The following PCDHB12 variants were observed in gnomAD, a reference collection of about 807,000 sequenced individuals.
The protein encoded by PCDHB12 is protocadherin beta-12.
For missense variants in PCDHB12, 1,192 were observed against 998.2 expected (o/e 1.19, Z -2.62); for synonymous variants, 560 against 445.2 (o/e 1.26, Z -3.24).
rs782402012 is a variant in PCDHB12 at position 141,210,207 on chromosome 5, G to A, written c.1300G>A (p.Glu434Lys). 11 of 1,614,000 alleles carry A rather than the reference G, an allele frequency of 6.8e-6. No individual in the cohort carries two copies. The highest frequency in any genetic ancestry group is 9.3e-6 in the Non-Finnish European group (11 of 1,180,046). The change falls in exon 1 of 1, where the codon GAG becomes AAG. Residue 434 changes from glutamate to lysine, a missense_variant. Glu to Lys is a moderately conservative substitution (Grantham distance 56). Transcript: ENST00000239450. ...TDLGTPRLKT[E>K]HNITVLVSDV... ...CTTGGGGACCCCCAGGCTAAAAACC[G>A]AGCACAACATAACCGTGCTGGTCTC...
rs781929299 is a variant in PCDHB12 at position 141,209,054 on chromosome 5, A to G, written c.147A>G (p.Ala49=). The change falls in exon 1 of 1, where the codon GCA becomes GCG. Residue 49 remains alanine (A), a synonymous_variant. Coordinates refer to ENST00000239450, the MANE Select transcript of PCDHB12 (RefSeq NM_018932.4). Reference sequence around the variant, plus strand: ...GCGGGAGCTTTGTAGGAAATTTGGCAAAGACCCTGGGACTCGAGGTGAGTG... The same window carrying G: ...GCGGGAGCTTTGTAGGAAATTTGGCGAAGACCCTGGGACTCGAGGTGAGTG... ...LQSGSFVGNL[A]KTLGLEVSEL... 23 of 1,611,428 alleles carry G rather than the reference A, an allele frequency of 1.4e-5. No individual in the cohort carries two copies. The highest frequency in any genetic ancestry group is 1.9e-5 in the Non-Finnish European group (22 of 1,178,624).
In PCDHB12 at chr5:141,210,479, G is replaced by T; in HGVS notation, c.1572G>T (p.Leu524=). ...FALRSLDYEA[L]QGFQFRVGAT... ...TCAGGTCGCTGGACTACGAGGCCCT[G>T]CAGGGGTTCCAGTTCCGCGTGGGCG... The change falls in exon 1 of 1, where the codon CTG becomes CTT. Residue 524 remains leucine (L), a synonymous_variant. Transcript: ENST00000239450. The T allele has an allele frequency of 6.2e-7, 1 of 1,612,772 alleles. No individual in the cohort carries two copies. Among genetic ancestry groups the T allele is most frequent in the Non-Finnish European group, 8.5e-7 (1 of 1,179,876 alleles).
rs191436752 is a variant in PCDHB12 at position 141,212,398 on chromosome 5, A to G, written c.*1103A>G. On this transcript the variant is annotated 3_prime_UTR_variant, in exon 1 of 1. Transcript: ENST00000239450. ...TAGATTTAAATGTGTAATATCAAAGAGAAATATAGATGATCATTAAATTTT... is the reference window on the plus strand; with the variant it reads ...TAGATTTAAATGTGTAATATCAAAGGGAAATATAGATGATCATTAAATTTT... 1 of 153,046 alleles carries G rather than the reference A, an allele frequency of 6.5e-6. No individual in the cohort carries two copies. The highest frequency in any genetic ancestry group is 1.9e-4 in the East Asian group (1 of 5,192). The allele number at this position is 153,046 out of a possible 1,614,324, so 9.5% of individuals were successfully genotyped here. A position where few individuals can be genotyped will look rare whatever the true frequency, so the allele number is the denominator to read the frequency against.
chr5:141,210,699 C>T lies in PCDHB12; in HGVS notation c.1792C>T (p.Gln598Ter), dbSNP rs782723103. The change falls in exon 1 of 1, where the codon CAG becomes TAG. Residue 598 changes from glutamine to a stop codon, truncating the protein, a stop_gained. Transcript: ENST00000239450. LOFTEE classifies it low-confidence loss of function (END_TRUNC). ...KVVAVDGDSG[Q>*]NAWLSYQLLK... ...GGTGGCGGTGGACGGTGACTCGGGC[C>T]AGAACGCCTGGCTGTCGTACCAGCT... The T allele has an allele frequency of 7.5e-6, 12 of 1,609,998 alleles. No homozygotes were observed. In the Admixed American group the frequency reaches 2.0e-4, roughly 27 times the overall value.
Position 141,210,022 on chromosome 5 carries a change from A to T in PCDHB12, c.1115A>T (p.Asp372Val), listed in dbSNP as rs782513373. The change falls in exon 1 of 1, where the codon GAC becomes GTC. Residue 372 changes from aspartate (D) to valine (V), a missense_variant. By Grantham distance (152) the Asp-to-Val change is radical. Transcript: ENST00000239450. Reference protein sequence around the residue: ...ETVVMVFRIRDRDSGDNGKMV... With the variant: ...ETVVMVFRIRVRDSGDNGKMV... ...GTGGTTATGGTTTTCAGGATACGAG[A>T]CAGAGACTCTGGGGACAACGGAAAG... 5.6e-6 allele frequency: 9 copies of T among 1,614,066 alleles called. No individual in the cohort carries two copies. The highest frequency in any genetic ancestry group is 1.7e-5 in the Admixed American group (1 of 60,002).
At position 141,210,427 on chromosome 5, in the gene PCDHB12, A is replaced by G. The variant is rs782667453; in HGVS notation, c.1520A>G (p.Asn507Ser). Residue 507 changes from asparagine (N) to serine (S), a missense_variant, in exon 1 of 1, where the codon AAC becomes AGC. Transcript: ENST00000239450. Reference protein sequence around the residue: ...HLPLASLVSINADNGHLFALR... With the variant: ...HLPLASLVSISADNGHLFALR... ...CCCCTCGCCTCCCTGGTCTCCATCA[A>G]CGCGGACAACGGCCACCTGTTTGCC... The G allele has an allele frequency of 2.2e-5, 35 of 1,613,016 alleles. No homozygotes were observed. The South Asian group carries it at 3.1e-4, about 14-fold the overall frequency.
In PCDHB12 at chr5:141,210,629, G is replaced by A; in HGVS notation, c.1722G>A (p.Glu574=). 2 of 1,611,384 alleles carry A rather than the reference G, an allele frequency of 1.2e-6. No homozygotes were observed. Among genetic ancestry groups the A allele is most frequent in the South Asian group, 2.2e-5 (2 of 90,978 alleles). ...AGAACGGCTCCGCGCCCTGCACCGAGCTGGTGCCCTGGGCGGCCGAGCCGG... is the reference window on the plus strand; with the variant it reads ...AGAACGGCTCCGCGCCCTGCACCGAACTGGTGCCCTGGGCGGCCGAGCCGG... The part of the protein sequence containing the change: ...PLQNGSAPCT[E]LVPWAAEPGY... Residue 574 remains glutamate (E), a synonymous_variant, in exon 1 of 1, where the codon GAG becomes GAA. Transcript: ENST00000239450.
In PCDHB12 at chr5:141,210,132, C is replaced by T; in HGVS notation, c.1225C>T (p.Leu409=). ...CTACACTTTGGAAACAGAGAGACCG[C>T]TGGACAGAGAGAGCAGAGCCGAGTA... The part of the protein sequence containing the change: ...NYYTLETERP[L]DRESRAEYNI... The change falls in exon 1 of 1, where the codon CTG becomes TTG. Residue 409 remains leucine, a synonymous_variant. Coordinates refer to ENST00000239450, the MANE Select transcript of PCDHB12 (RefSeq NM_018932.4). The T allele has an allele frequency of 6.2e-7, 1 of 1,614,204 alleles. No homozygotes were observed. The highest frequency in any genetic ancestry group is 8.5e-7 in the Non-Finnish European group (1 of 1,180,026).
rs142090623 is a variant in PCDHB12, at chr5:141,210,221, C to G, written c.1314C>G (p.Thr438=). 32 of 1,614,114 alleles carry G rather than the reference C, an allele frequency of 2.0e-5. No individual in the cohort carries two copies. Among genetic ancestry groups the G allele is most frequent in the African/African-American group, 5.3e-5 (4 of 74,938 alleles). Residue 438 remains threonine (T), a synonymous_variant, in exon 1 of 1, where the codon ACC becomes ACG. Coordinates refer to ENST00000239450, the MANE Select transcript of PCDHB12 (RefSeq NM_018932.4). ...TPRLKTEHNI[T]VLVSDVNDNA... ...GGCTAAAAACCGAGCACAACATAAC[C>G]GTGCTGGTCTCCGACGTCAATGACA...
rs782059381 is a variant in PCDHB12 at position 141,210,617 on chromosome 5, G to T, written c.1710G>T (p.Ala570=). 9.9e-6 allele frequency: 16 copies of T among 1,611,204 alleles called. 1 individual carries two copies. In the South Asian group the frequency reaches 1.5e-4, roughly 15 times the overall value. Reference sequence around the variant, plus strand: ...TGTACCCGCTGCAGAACGGCTCCGCGCCCTGCACCGAGCTGGTGCCCTGGG... The same window carrying T: ...TGTACCCGCTGCAGAACGGCTCCGCTCCCTGCACCGAGCTGGTGCCCTGGG... ...FVLYPLQNGS[A]PCTELVPWAA... The change falls in exon 1 of 1, where the codon GCG becomes GCT. Residue 570 remains alanine (A), a synonymous_variant. Coordinates refer to ENST00000239450, the MANE Select transcript of PCDHB12 (RefSeq NM_018932.4).
rs144863881 is a variant in PCDHB12, at chr5:141,209,620, A to T, written c.713A>T (p.Asn238Ile). 4.3e-6 allele frequency: 7 copies of T among 1,613,628 alleles called. No individual in the cohort carries two copies. In the Admixed American group the frequency reaches 1.0e-4, roughly 23 times the overall value. The change falls in exon 1 of 1, where the codon AAC becomes ATC. Residue 238 changes from asparagine to isoleucine, a missense_variant. By Grantham distance (149) the Asn-to-Ile change is moderately radical. Transcript: ENST00000239450. ...GTGGTGGTTGTAGATATTAATGACA[A>T]CTCCCCTGAGTTTGAGCAGGCTTTT... Reference protein sequence around the residue: ...VRVVVVDINDNSPEFEQAFYE... With the variant: ...VRVVVVDINDISPEFEQAFYE...
In PCDHB12 at chr5:141,209,726, A is replaced by G. The variant is rs781983157; in HGVS notation, c.819A>G (p.Thr273=). 3.1e-6 allele frequency: 5 copies of G among 1,614,212 alleles called. No individual in the cohort carries two copies. The highest frequency in any genetic ancestry group is 4.5e-5 in the East Asian group (2 of 44,860). The change falls in exon 1 of 1, where the codon ACA becomes ACG. Residue 273 remains threonine, a synonymous_variant. Transcript: ENST00000239450. ...CAGCCTGGGATTTAGACTCTGGAAC[A>G]AACAGTGAACTATCCTATACCTTTT... ...TVSAWDLDSG[T]NSELSYTFSH... is the part of the protein sequence containing the mutation.
chr5:141,210,047 G>A lies in PCDHB12; in HGVS notation c.1140G>A (p.Lys380=), dbSNP rs1410857870. 1.9e-6 allele frequency: 3 copies of A among 1,614,096 alleles called. No individual in the cohort carries two copies. The highest frequency in any genetic ancestry group is 2.5e-6 in the Non-Finnish European group (3 of 1,180,056). Residue 380 remains lysine (K), a synonymous_variant, in exon 1 of 1, where the codon AAG becomes AAA. Coordinates refer to ENST00000239450, the MANE Select transcript of PCDHB12 (RefSeq NM_018932.4). The part of the protein sequence containing the change: ...IRDRDSGDNG[K]MVCSIPEDIP... ...ACAGAGACTCTGGGGACAACGGAAA[G>A]ATGGTTTGTTCTATCCCGGAGGACA...
At position 141,208,819 on chromosome 5, in the gene PCDHB12, G is replaced by A. The variant is rs782222529; in HGVS notation, c.-89G>A. Reference sequence around the variant, plus strand: ...AAATCTTCAGGCTTCCGAGGATTTGGTAGACAGATCAGAGGCACGTTTCCC... The same window carrying A: ...AAATCTTCAGGCTTCCGAGGATTTGATAGACAGATCAGAGGCACGTTTCCC... On this transcript the variant is annotated 5_prime_UTR_variant, in exon 1 of 1. Coordinates refer to ENST00000239450, the MANE Select transcript of PCDHB12 (RefSeq NM_018932.4). 18 of 1,177,486 alleles carry A rather than the reference G, an allele frequency of 1.5e-5. No individual in the cohort carries two copies. Among genetic ancestry groups the A allele is most frequent in the Non-Finnish European group, 2.1e-5 (18 of 839,064 alleles). The allele number at this position is 1,177,486 out of a possible 1,614,324, so 72.9% of individuals were successfully genotyped here.
chr5:141,210,264 C>T lies in PCDHB12; in HGVS notation c.1357C>T (p.Gln453Ter), dbSNP rs1554286871. 3.1e-6 allele frequency: 5 copies of T among 1,614,132 alleles called. No homozygotes were observed. Among genetic ancestry groups the T allele is most frequent in the South Asian group, 1.1e-5 (1 of 91,074 alleles). Residue 453 changes from glutamine (Q) to a stop codon, truncating the protein, a stop_gained, in exon 1 of 1, where the codon CAA becomes TAA. Coordinates refer to ENST00000239450, the MANE Select transcript of PCDHB12 (RefSeq NM_018932.4). LOFTEE classifies it low-confidence loss of function (END_TRUNC). ...CAATGACAACGCCCCCGCCTTCACCCAAACTTCCTACGCCCTGTTCGTCCG... is the reference window on the plus strand; with the variant it reads ...CAATGACAACGCCCCCGCCTTCACCTAAACTTCCTACGCCCTGTTCGTCCG... ...DVNDNAPAFT[Q>*]TSYALFVREN...
In PCDHB12 at chr5:141,210,639, T is replaced by A; in HGVS notation, c.1732T>A (p.Trp578Arg). ...CGCGCCCTGCACCGAGCTGGTGCCC[T>A]GGGCGGCCGAGCCGGGCTACCTGGT... Reference protein sequence around the residue: ...GSAPCTELVPWAAEPGYLVTK... With the variant: ...GSAPCTELVPRAAEPGYLVTK... The change falls in exon 1 of 1, where the codon TGG becomes AGG. Residue 578 changes from tryptophan to arginine, a missense_variant. By Grantham distance (101) the Trp-to-Arg change is moderately radical (BLOSUM62 -3). Coordinates refer to ENST00000239450, the MANE Select transcript of PCDHB12 (RefSeq NM_018932.4). 1 of 1,611,202 alleles carries A rather than the reference T, an allele frequency of 6.2e-7. No homozygotes were observed. Among genetic ancestry groups the A allele is most frequent in the East Asian group, 2.2e-5 (1 of 44,866 alleles).
At position 141,210,035 on chromosome 5, in the gene PCDHB12, G is replaced by T; in HGVS notation, c.1128G>T (p.Gly376=). ...MVFRIRDRDS[G]DNGKMVCSIP... The stretch of plus-strand genomic sequence containing the variant: ...TCAGGATACGAGACAGAGACTCTGG[G>T]GACAACGGAAAGATGGTTTGTTCTA... The change falls in exon 1 of 1, where the codon GGG becomes GGT. Residue 376 remains glycine, a synonymous_variant. Transcript: ENST00000239450. 6.2e-7 allele frequency: 1 copy of T among 1,614,158 alleles called. No individual in the cohort carries two copies. Among genetic ancestry groups the T allele is most frequent in the East Asian group, 2.2e-5 (1 of 44,876 alleles).
Position 141,208,793 on chromosome 5 carries a change from A to T in PCDHB12, c.-115A>T. ...AACCTAGAAGCCATTCAACAAGGTT[A>T]AAATCTTCAGGCTTCCGAGGATTTG... On this transcript the variant is annotated 5_prime_UTR_variant, in exon 1 of 1. Transcript: ENST00000239450. 2.2e-6 allele frequency: 2 copies of T among 920,886 alleles called. No individual in the cohort carries two copies. Among genetic ancestry groups the T allele is most frequent in the Non-Finnish European group, 3.2e-6 (2 of 617,860 alleles). The allele number at this position is 920,886 out of a possible 1,614,324, so 57.0% of individuals were successfully genotyped here.
In PCDHB12 at chr5:141,211,078, G is replaced by C; in HGVS notation, c.2171G>C (p.Arg724Pro). 6.2e-7 allele frequency: 1 copy of C among 1,613,652 alleles called. No homozygotes were observed. The highest frequency in any genetic ancestry group is 8.5e-7 in the Non-Finnish European group (1 of 1,180,040). Residue 724 changes from arginine to proline, a missense_variant, in exon 1 of 1, where the codon CGC (arginine) becomes CCC (proline). Physicochemically the swap from Arg to Pro is moderately radical, Grantham distance 103. Coordinates refer to ENST00000239450, the MANE Select transcript of PCDHB12 (RefSeq NM_018932.4). ...AGGAGCAGGGCGGCCCCGGTCGGTCGCTGCTCGGTGCCTGAGGGCCCCTTT... is the reference window on the plus strand; with the variant it reads ...AGGAGCAGGGCGGCCCCGGTCGGTCCCTGCTCGGTGCCTGAGGGCCCCTTT... ...CRRSRAAPVG[R>P]CSVPEGPFPG...
Sources: allele counts gnomAD v4.1 joint callset, GRCh38; gene constraint gnomAD v4.1.1; transcripts MANE v1.5; gene names NCBI Gene and HGNC (gene_info 2026-07-23, HGNC 2026-07-21).